TRIQK: variants seen among roughly 807,000 people sequenced by gnomAD.
The protein encoded by TRIQK is triple QxxK/R motif containing.
Under a neutral mutation model 10.8 loss-of-function variants are expected in TRIQK, and 10 were observed. That is an observed-to-expected ratio of 0.92 (90% confidence interval 0.57 to 1.57). The LOEUF (loss-of-function observed/expected upper bound fraction) is 1.57, where lower values mean the gene tolerates loss of function less well. TRIQK is among the 40% of genes most tolerant of loss of function. The pLI is 0.00. For missense variants in TRIQK, 107 were observed against 97.7 expected (o/e 1.09, Z -0.40); for synonymous variants, 33 against 33.7 (o/e 0.98, Z 0.07).
intron 1 of TRIQK, among the ~76,000 whole-genome samples, chr8:93,017,110 GGAGAGAGAGAGAGA>G (rs3062508): frequency 0.11 from 10,640 of 93,214 alleles, 879 homozygotes; most frequent in Non-Finnish European, 0.15. Context: ...ATATATACTT[GGAGAGAGAGAGAGA>G]GAGAGAGAGA....
At chr8:92,914,951 A>C (rs1298535568) in intron 3 of TRIQK, among the ~76,000 whole-genome samples, 2 of 152,188 alleles carry the variant, frequency 1.3e-5, no homozygotes, top group Non-Finnish European at 2.9e-5. Flanking sequence ...CAAGATATGG[A>C]AACAACCTAA....
chr8:93,010,609 T>G (rs1275237715), intron 1 of TRIQK, among the ~76,000 whole-genome samples: 1 of 152,166 alleles, frequency 6.6e-6, no homozygotes, highest in African/African-American at 2.4e-5. Context: ...AATACTTTTA[T>G]AAGAATAAAA....
chr8:92,922,297 A>T (rs1480553756), intron 2 of TRIQK: 1 of 151,852 alleles, frequency 6.6e-6, no homozygotes, highest in African/African-American at 2.4e-5. Flanking sequence ...AGTATTTTGC[A>T]TTTATTAATT....
intron 4 of TRIQK, 98 bp from the exon 5 acceptor site, chr8:92,886,833 A>G: frequency 1.4e-6 from 1 of 690,506 alleles, no homozygotes; most frequent in South Asian, 1.8e-5. Context: ...TCCACAGTCT[A>G]GAATGAATAA....
intron 1 of TRIQK, among the ~76,000 whole-genome samples, chr8:93,011,564 A>G (rs955483842): frequency 6.6e-5 from 10 of 152,104 alleles, no homozygotes; most frequent in African/African-American, 2.4e-4. Flanking sequence ...CACCATTTTC[A>G]GGTTCCCCTT....
intron 1 of TRIQK, among the ~76,000 whole-genome samples, chr8:93,009,240 T>C (rs531182519): frequency 2.6e-5 from 4 of 152,294 alleles, no homozygotes; most frequent in South Asian, 4.1e-4. Context: ...TGTTCAACAT[T>C]ACTAATCAAC....
chr8:92,907,347 C>G (rs959953342), intron 3 of TRIQK, among the ~76,000 whole-genome samples: 1 of 152,102 alleles, frequency 6.6e-6, no homozygotes, highest in Non-Finnish European at 1.5e-5. Flanking sequence ...TTACATAAGA[C>G]TAAGATTCAC....
intron 1 of TRIQK, among the ~76,000 whole-genome samples, chr8:92,999,301 T>A (rs117282987): frequency 0.027 from 4,092 of 152,290 alleles, 75 homozygotes; most frequent in Non-Finnish European, 0.04. Flanking sequence ...CTTTTGTTTT[T>A]AATATTTTTA....
chr8:92,973,680 G>C (rs1025648111), intron 1 of TRIQK: 1 of 152,116 alleles, frequency 6.6e-6, no homozygotes, highest in Non-Finnish European at 1.5e-5. Context: ...TGGGAGTAAG[G>C]AAAACATTAG....
At chr8:92,940,507 T>C (rs1160155327) in intron 2 of TRIQK, among the ~76,000 whole-genome samples, 2 of 152,106 alleles carry the variant, frequency 1.3e-5, no homozygotes, top group Admixed American at 6.6e-5. Flanking sequence ...GACTTTAAAT[T>C]TTAAAACCAT....
intron 3 of TRIQK, among the ~76,000 whole-genome samples, chr8:92,905,417 T>C (rs1343085517): frequency 1.3e-5 from 2 of 152,200 alleles, no homozygotes; most frequent in Non-Finnish European, 2.9e-5. Context: ...CAAATTTAAG[T>C]GGCAAATCCT....
intron 1 of TRIQK, among the ~76,000 whole-genome samples, chr8:92,991,682 C>T (rs7840398): frequency 1.3e-4 from 19 of 151,910 alleles, no homozygotes; most frequent in Admixed American, 1.1e-3. Context: ...AGAAATAAAG[C>T]GTATTCAAAT....
intron 1 of TRIQK, among the ~76,000 whole-genome samples, chr8:92,985,015 C>G (rs1489688721): frequency 6.6e-6 from 1 of 152,078 alleles, no homozygotes; most frequent in Non-Finnish European, 1.5e-5. Flanking sequence ...TTTATCTTAG[C>G]CTTTGATGTT....
Position 92,928,952 on chromosome 8 carries a change from A to C in TRIQK, c.-21-11942T>G, listed in dbSNP as rs79529638. Among the ~76,000 whole-genome samples, 72 of 152,350 alleles carry C rather than the reference A, an allele frequency of 4.7e-4. No individual in the cohort carries two copies. The East Asian group carries it at 0.013, about 28-fold the overall frequency. ...TAGAAAAATGCAGCTAAGTTCCAAA[A>C]GTAATCTACCAAGTGATAAATCAAT... On this transcript the variant is annotated intron_variant, in intron 2 of 4. Transcript: ENST00000521988.
At chr8:92,968,595 T>C (rs917740191), upstream of TRIQK, among the ~76,000 whole-genome samples, 1 of 152,226 alleles carries the variant, frequency 6.6e-6, no homozygotes, top group Non-Finnish European at 1.5e-5. Flanking sequence ...CGCATAAATG[T>C]ATTCTTTTGA....
At chr8:92,983,015 C>G (rs961412715) in intron 1 of TRIQK, among the ~76,000 whole-genome samples, 2 of 151,876 alleles carry the variant, frequency 1.3e-5, no homozygotes, top group African/African-American at 4.8e-5. Context: ...ATAACAATAT[C>G]CAGTTCATAT....
rs924011523 is a variant in TRIQK, at chr8:92,885,284, T to C, written c.*1338A>G. ...GAATATCTTTTAGAAACAGTGCTTA[T>C]AAAGCCCCATATACTCCTTAGATAT... On this transcript the variant is annotated 3_prime_UTR_variant, in exon 5 of 5. Transcript: ENST00000521988. 1.6e-5 allele frequency: 5 copies of C among 307,334 alleles called. No individual in the cohort carries two copies. The highest frequency in any genetic ancestry group is 1.1e-4 in the African/African-American group (5 of 46,030). The allele number at this position is 307,334 out of a possible 1,614,324, so 19.0% of individuals were successfully genotyped here. A position where few individuals can be genotyped will look rare whatever the true frequency, so the allele number is the denominator to read the frequency against.
chr8:92,990,656 G>A lies in TRIQK; in HGVS notation c.-181+26953C>T, dbSNP rs1813086826. On this transcript the variant is annotated intron_variant, in intron 1 of 4. Transcript: ENST00000520686. ...CACCTGGGAAGTGCAAAGGGTCAGG[G>A]AACTCCCTCCCCTAGCCAAGGAAAG... is the stretch of plus-strand genomic sequence containing the variant. 3.3e-5 allele frequency among the ~76,000 whole-genome samples: 5 copies of A among 152,078 alleles called. 1 individual carries two copies. The South Asian group carries it at 1.0e-3, about 31-fold the overall frequency.
At chr8:92,976,952 C>CTA (rs1426691823) in intron 1 of TRIQK, among the ~76,000 whole-genome samples, 5 of 151,756 alleles carry the variant, frequency 3.3e-5, no homozygotes, top group South Asian at 2.1e-4. Flanking sequence ...TTTTATCTCT[C>CTA]TATATATATT....
Sources: allele counts gnomAD v4.1 joint callset (sites outside exome capture counted in the v4.1 genomes callset), GRCh38; gene constraint gnomAD v4.1.1; transcripts MANE v1.5; gene names NCBI Gene and HGNC (gene_info 2026-07-23, HGNC 2026-07-21).